MEX3B: variants seen among roughly 807,000 people sequenced by gnomAD.
The protein encoded by MEX3B is mex-3 RNA binding family member B.
MEX3B carries 10 observed loss-of-function variants against 12.2 expected under a neutral mutation model. The observed-to-expected ratio is 0.82, with a 90% CI of 0.51 to 1.40. The LOEUF (loss-of-function observed/expected upper bound fraction) is 1.40, where lower values mean the gene tolerates loss of function less well. Ranked by LOEUF, MEX3B falls within the 40% of genes most tolerant of loss-of-function variation. The pLI is 0.00. For missense variants in MEX3B, 839 were observed against 801.4 expected (o/e 1.05, Z -0.57); for synonymous variants, 498 against 356.3 (o/e 1.40, Z -4.48).
rs1333394517 is a variant in MEX3B at position 82,042,875 on chromosome 15, G to A, written c.*285C>T. ...AAACTATCATTACTAGAATGTCGCC[G>A]TTCCTATTATTTATAGAGCATGCAT... is the stretch of plus-strand genomic sequence containing the variant. On this transcript the variant is annotated 3_prime_UTR_variant, in exon 2 of 2. Transcript: ENST00000329713. 6.8e-6 allele frequency: 2 copies of A among 294,714 alleles called. No individual in the cohort carries two copies. Among genetic ancestry groups the A allele is most frequent in the African/African-American group, 2.2e-5 (1 of 46,326 alleles). 18.3% of individuals were successfully genotyped at this position (294,714 alleles called of 1,614,324 possible).
rs561376472 is a variant in MEX3B at position 82,042,309 on chromosome 15, C to A, written c.*851G>T. On this transcript the variant is annotated 3_prime_UTR_variant, in exon 2 of 2. Transcript: ENST00000329713. ...ATCTCCATCCCAACAGAATACTGTTCAAAACATTACACATTTTATGGTTGT... is the reference window on the plus strand; with the variant it reads ...ATCTCCATCCCAACAGAATACTGTTAAAAACATTACACATTTTATGGTTGT... The A allele has an allele frequency of 6.6e-6, 1 of 152,634 alleles. No homozygotes were observed. Among genetic ancestry groups the A allele is most frequent in the East Asian group, 1.9e-4 (1 of 5,184 alleles). The allele number at this position is 152,634 out of a possible 1,614,324, so 9.5% of individuals were successfully genotyped here.
chr15:82,045,846 G>A lies in MEX3B; in HGVS notation c.-141C>T, dbSNP rs2073255451. 1.0e-6 allele frequency: 1 copy of A among 959,604 alleles called. No homozygotes were observed. Among genetic ancestry groups the A allele is most frequent in the South Asian group, 3.2e-5 (1 of 31,342 alleles). 59.4% of individuals were successfully genotyped at this position (959,604 alleles called of 1,614,324 possible). A position where few individuals can be genotyped will look rare whatever the true frequency, so the allele number is the denominator to read the frequency against. ...AGGGCTCCGTTGCTTCTTCCTCGGT[G>A]CTGGGAGGAGTGGGTCGCTCCGTGC... On this transcript the variant is annotated 5_prime_UTR_variant, in exon 1 of 2. Transcript: ENST00000329713.
chr15:82,044,096 C>T lies in MEX3B; in HGVS notation c.774G>A (p.Gly258=), dbSNP rs766715811. The change falls in exon 2 of 2, where the codon GGG becomes GGA. Residue 258 remains glycine, a synonymous_variant. Coordinates refer to ENST00000329713, the MANE Select transcript of MEX3B (RefSeq NM_032246.6). The surrounding 1 kb of genome is among the most constrained non-coding windows in gnomAD (Gnocchi z 5.3). ...VGFDLHHGSG[G]SGPGSLWSKP... is the part of the protein sequence containing the mutation. The stretch of plus-strand genomic sequence containing the variant: ...TGCTCCAGAGGCTGCCTGGGCCGGA[C>T]CCGCCGGACCCATGATGCAGATCGA... The T allele has an allele frequency of 6.6e-5, 106 of 1,611,782 alleles. No homozygotes were observed. The highest frequency in any genetic ancestry group is 1.6e-4 in the Middle Eastern group (1 of 6,080).
chr15:82,043,853 C>T lies in MEX3B; in HGVS notation c.1017G>A (p.Gly339=), dbSNP rs780087608. The T allele has an allele frequency of 1.3e-6, 2 of 1,592,680 alleles. No homozygotes were observed. The change falls in exon 2 of 2, where the codon GGG becomes GGA. Residue 339 remains glycine (G), a synonymous_variant. Transcript: ENST00000329713. ...HNGNNNNNGN[G]YTYTAGGEAS... ...CTTCTCCCCCCGCTGTGTAGGTGTACCCATTGCCGTTATTGTTATTGTTTC... is the reference window on the plus strand; with the variant it reads ...CTTCTCCCCCCGCTGTGTAGGTGTATCCATTGCCGTTATTGTTATTGTTTC...
At position 82,043,449 on chromosome 15, in the gene MEX3B, T is replaced by C; in HGVS notation, c.1421A>G (p.Tyr474Cys). 6.4e-7 allele frequency: 1 copy of C among 1,552,470 alleles called. No homozygotes were observed. The highest frequency in any genetic ancestry group is 8.7e-7 in the Non-Finnish European group (1 of 1,148,754). The change falls in exon 2 of 2, where the codon TAT becomes TGT. Residue 474 changes from tyrosine (Y) to cysteine (C), a missense_variant. Around this residue, in one of 3 missense-constraint regions of MEX3B, gnomAD observed 573 missense variants for 488.9 expected, o/e 1.17. Transcript: ENST00000329713. ...CAGCTGTGCCCCCAGCCCGTTGGCATAAGCGGCGTAGGCCAGGCCTCCTCC... is the reference window on the plus strand; with the variant it reads ...CAGCTGTGCCCCCAGCCCGTTGGCACAAGCGGCGTAGGCCAGGCCTCCTCC... ...PGGGGLAYAA[Y>C]ANGLGAQLPG...
At position 82,045,510 on chromosome 15, in the gene MEX3B, T is replaced by A; in HGVS notation, c.196A>T (p.Met66Leu). ...CTGGGTACTGGCACGCACTCGGTCA[T>A]GTTCACGCTCTTCTTGCGCGGCTCG... is the stretch of plus-strand genomic sequence containing the variant. ...DSEPRKKSVN[M>L]TECVPVPSSE... is the part of the protein sequence containing the mutation. Residue 66 changes from methionine (M) to leucine (L), a missense_variant, in exon 1 of 2, where the codon ATG becomes TTG. Around this residue, in one of 3 missense-constraint regions of MEX3B, gnomAD observed 214 missense variants for 223.8 expected, o/e 0.96. Transcript: ENST00000329713. 2 of 1,611,238 alleles carry A rather than the reference T, an allele frequency of 1.2e-6. No individual in the cohort carries two copies. The highest frequency in any genetic ancestry group is 1.7e-6 in the Non-Finnish European group (2 of 1,179,220).
chr15:82,045,244 G>A, intron 1 of MEX3B: 3 of 690,994 alleles, frequency 4.3e-6, no homozygotes, highest in Non-Finnish European at 7.7e-6. Flanking sequence ...AGAAGAAAGT[G>A]CATCCCGCCA....
Position 82,045,833 on chromosome 15 carries a change from C to G in MEX3B, c.-128G>C. On this transcript the variant is annotated 5_prime_UTR_variant, in exon 1 of 2. Transcript: ENST00000329713. ...CGGTCGCCTGCTGAGGGCTCCGTTG[C>G]TTCTTCCTCGGTGCTGGGAGGAGTG... is the stretch of plus-strand genomic sequence containing the variant. The G allele has an allele frequency of 9.3e-7, 1 of 1,078,116 alleles. No individual in the cohort carries two copies. Among genetic ancestry groups the G allele is most frequent in the Non-Finnish European group, 1.2e-6 (1 of 829,866 alleles). 66.8% of individuals were successfully genotyped at this position (1,078,116 alleles called of 1,614,324 possible).
rs777899531 is a variant in MEX3B, at chr15:82,043,393, A to C, written c.1477T>G (p.Ser493Ala). The change falls in exon 2 of 2, where the codon TCC becomes GCC. Residue 493 changes from serine to alanine, a missense_variant. Transcript: ENST00000329713. ...GAGGAGGAGCTGGACGAAGAGGAGG[A>C]GCCCGACGTGTCCGACGGCTGCAAG... ...PGLQPSDTSG[S>A]SSSSSSSSSS... 24 of 1,587,562 alleles carry C rather than the reference A, an allele frequency of 1.5e-5. No homozygotes were observed. Among genetic ancestry groups the C allele is most frequent in the Non-Finnish European group, 2.1e-5 (24 of 1,166,756 alleles).
chr15:82,045,727 C>G lies in MEX3B; in HGVS notation c.-22G>C, dbSNP rs2141171155. Reference sequence around the variant, plus strand: ...GCATCGCTCGGCCGTGCGCGCCGCGCCCCCGCCGGCCCTCGGCTCGGCGGC... The same window carrying G: ...GCATCGCTCGGCCGTGCGCGCCGCGGCCCCGCCGGCCCTCGGCTCGGCGGC... On this transcript the variant is annotated 5_prime_UTR_variant, in exon 1 of 2. Transcript: ENST00000329713. 2 of 1,321,944 alleles carry G rather than the reference C, an allele frequency of 1.5e-6. No homozygotes were observed. The highest frequency in any genetic ancestry group is 3.1e-5 in the East Asian group (1 of 32,082). 81.9% of individuals were successfully genotyped at this position (1,321,944 alleles called of 1,614,324 possible).
At position 82,043,178 on chromosome 15, in the gene MEX3B, G is replaced by A. The variant is rs2073230739; in HGVS notation, c.1692C>T (p.Ala564=). ...GCTGCCTTTAAGAAAAGATGCGGAT[G>A]GCCTGAGTGACCGCGGTGTGGCAGA... is the stretch of plus-strand genomic sequence containing the variant. ...CPVCHTAVTQ[A]IRIFS Residue 564 remains alanine, a synonymous_variant, in exon 2 of 2, where the codon GCC becomes GCT. Transcript: ENST00000329713. 2 of 1,541,120 alleles carry A rather than the reference G, an allele frequency of 1.3e-6. No individual in the cohort carries two copies. The highest frequency in any genetic ancestry group is 4.6e-5 in the East Asian group (2 of 43,782).
Position 82,043,809 on chromosome 15 carries a change from T to G in MEX3B, c.1061A>C (p.Asp354Ala). 1.3e-6 allele frequency: 2 copies of G among 1,587,368 alleles called. No homozygotes were observed. Among genetic ancestry groups the G allele is most frequent in the Non-Finnish European group, 1.7e-6 (2 of 1,167,584 alleles). Residue 354 changes from aspartate to alanine, a missense_variant, in exon 2 of 2, where the codon GAC becomes GCC. Coordinates refer to ENST00000329713, the MANE Select transcript of MEX3B (RefSeq NM_032246.6). ...AGGEASVPSP[D>A]GCPELQPTFD... ...AGTGGGCTGCAGCTCGGGGCAGCCG[T>G]CGGGGGATGGCACTGAGGCTTCTCC...
Position 82,044,476 on chromosome 15 carries a change from C to T in MEX3B, c.394G>A (p.Glu132Lys), listed in dbSNP as rs755615120. The T allele has an allele frequency of 6.2e-7, 1 of 1,613,774 alleles. No homozygotes were observed. Among genetic ancestry groups the T allele is most frequent in the Admixed American group, 1.7e-5 (1 of 60,020 alleles). The change falls in exon 2 of 2, where the codon GAG becomes AAG. Residue 132 changes from glutamate to lysine, a missense_variant. Coordinates refer to ENST00000329713, the MANE Select transcript of MEX3B (RefSeq NM_032246.6). The surrounding 1 kb of genome is among the most constrained non-coding windows in gnomAD (Gnocchi z 5.3). The part of the protein sequence containing the change: ...MARREIISAA[E>K]HFSMIRASRN... ...GAGGCGCGGATCATGGAGAAGTGCTCGGCAGCAGAGATGATCTCCCTCCGA... is the reference window on the plus strand; with the variant it reads ...GAGGCGCGGATCATGGAGAAGTGCTTGGCAGCAGAGATGATCTCCCTCCGA...
rs1346991120 is a variant in MEX3B, at chr15:82,043,576, G to C, written c.1294C>G (p.Leu432Val). 6.4e-7 allele frequency: 1 copy of C among 1,562,556 alleles called. No individual in the cohort carries two copies. Among genetic ancestry groups the C allele is most frequent in the East Asian group, 2.3e-5 (1 of 42,754 alleles). The change falls in exon 2 of 2, where the codon CTG (leucine) becomes GTG (valine). Residue 432 changes from leucine (L) to valine (V), a missense_variant. Around this residue, in one of 3 missense-constraint regions of MEX3B, gnomAD observed 573 missense variants for 488.9 expected, o/e 1.17. Coordinates refer to ENST00000329713, the MANE Select transcript of MEX3B (RefSeq NM_032246.6). Reference sequence around the variant, plus strand: ...CGCGGGCAGCTGGTGCCAGGGTGCAGCCGGCGGTGCACCAATAGCCCCAGG... The same window carrying C: ...CGCGGGCAGCTGGTGCCAGGGTGCACCCGGCGGTGCACCAATAGCCCCAGG... ...ANLGLLVHRRLHPGTSCPRLS... is the reference protein window; with the variant it reads ...ANLGLLVHRRVHPGTSCPRLS...
chr15:82,044,018 G>A lies in MEX3B; in HGVS notation c.852C>T (p.Tyr284=), dbSNP rs1240189556. Residue 284 remains tyrosine (Y), a synonymous_variant, in exon 2 of 2, where the codon TAC becomes TAT. Transcript: ENST00000329713. This position sits in a 1 kb window ranked among gnomAD's most constrained non-coding sequence, Gnocchi z 5.3. Reference sequence around the variant, plus strand: ...CAAGCGAGCTGGAGCTGTCGTTGCGGTAGCTAGAGAAAGGCTTGCGGCCGG... The same window carrying A: ...CAAGCGAGCTGGAGCTGTCGTTGCGATAGCTAGAGAAAGGCTTGCGGCCGG... ...PTPGRKPFSS[Y]RNDSSSSLGS... 5.6e-6 allele frequency: 9 copies of A among 1,608,512 alleles called. No homozygotes were observed. The highest frequency in any genetic ancestry group is 1.3e-5 in the African/African-American group (1 of 74,978).
At chr15:82,045,201 G>T (rs1365687669) in intron 1 of MEX3B, 1 of 627,790 alleles carries the variant, frequency 1.6e-6, no homozygotes, top group East Asian at 2.7e-5. Context: ...GGGCTGGTTG[G>T]GGGGCGTTAG....
rs1387933574 is a variant in MEX3B, at chr15:82,045,707, G to A, written c.-2C>T. On this transcript the variant is annotated 5_prime_UTR_variant, in exon 1 of 2. Coordinates refer to ENST00000329713, the MANE Select transcript of MEX3B (RefSeq NM_032246.6). ...GTCTGCGAACAGCGAGCTGGGCATC[G>A]CTCGGCCGTGCGCGCCGCGCCCCCG... 3 of 1,410,766 alleles carry A rather than the reference G, an allele frequency of 2.1e-6. No individual in the cohort carries two copies. The highest frequency in any genetic ancestry group is 6.1e-5 in the Admixed American group (2 of 32,930). The allele number at this position is 1,410,766 out of a possible 1,614,324, so 87.4% of individuals were successfully genotyped here. A position where few individuals can be genotyped will look rare whatever the true frequency, so the allele number is the denominator to read the frequency against.
In MEX3B at chr15:82,042,105, A is replaced by C. The variant is rs575703725; in HGVS notation, c.*1055T>G. On this transcript the variant is annotated 3_prime_UTR_variant, in exon 2 of 2. Coordinates refer to ENST00000329713, the MANE Select transcript of MEX3B (RefSeq NM_032246.6). ...TACTAAAACTAGAGTGGTGCAACAG[A>C]ATTTTTGTAACTTGCACTGAATTCT... The C allele has an allele frequency of 5.2e-5, 8 of 152,790 alleles. No individual in the cohort carries two copies. In the South Asian group the frequency reaches 1.0e-3, roughly 20 times the overall value. The allele number at this position is 152,790 out of a possible 1,614,324, so 9.5% of individuals were successfully genotyped here.
rs1355650552 is a variant in MEX3B at position 82,044,416 on chromosome 15, G to A, written c.454C>T (p.Pro152Ser). 1 of 1,611,948 alleles carries A rather than the reference G, an allele frequency of 6.2e-7. No individual in the cohort carries two copies. Among genetic ancestry groups the A allele is most frequent in the Non-Finnish European group, 8.5e-7 (1 of 1,179,730 alleles). The change falls in exon 2 of 2, where the codon CCT becomes TCT. Residue 152 changes from proline (P) to serine (S), a missense_variant. Transcript: ENST00000329713. The surrounding 1 kb of genome is among the most constrained non-coding windows in gnomAD (Gnocchi z 5.3). The stretch of plus-strand genomic sequence containing the variant: ...TGCCCGGGCAGGTTGGGCGGCCCAG[G>A]CACCGCGCCGTTGAGTGCCGTGTTC... The part of the protein sequence containing the change: ...NKNTALNGAV[P>S]GPPNLPGQTT...
Sources: gnomAD v4.1 joint callset for allele counts on GRCh38, gnomAD v4.1.1 for gene constraint, gnomAD v4.1.1 regional missense constraint, Gnocchi (gnomAD v3.1) non-coding constraint, MANE v1.5 for transcripts, NCBI Gene and HGNC (gene_info 2026-07-23, HGNC 2026-07-21) for gene names.